The following TMEM74 variants were observed in gnomAD, a reference collection of about 807,000 sequenced individuals.
TMEM74 encodes the protein transmembrane protein 74.
In TMEM74, 13 loss-of-function variants were observed where a neutral mutation model predicts 18.1. The observed-to-expected ratio is 0.72, with a 90% CI of 0.47 to 1.14. TMEM74 has a LOEUF of 1.14. Ranked by LOEUF, TMEM74 falls within the 50% of genes most tolerant of loss-of-function variation. The probability of loss-of-function intolerance (pLI) is 0.00; values close to 1 mark genes in which losing one functional copy is unlikely to be tolerated. For missense variants in TMEM74, 372 were observed against 375.9 expected (o/e 0.99, Z 0.09); for synonymous variants, 159 against 146.6 (o/e 1.08, Z -0.61).
At chr8:108,654,988 A>C (rs931164661) in intron 2 of TMEM74, among the ~76,000 whole-genome samples, 1 of 152,194 alleles carries the variant, frequency 6.6e-6, no homozygotes, top group African/African-American at 2.4e-5. Context: ...ACTAATTACT[A>C]TAGGTTTTCA....
chr8:108,707,656 T>C (rs1014664259), intron 1 of TMEM74, among the ~76,000 whole-genome samples: 37 of 152,086 alleles, frequency 2.4e-4, no homozygotes, highest in African/African-American at 8.7e-4. Context: ...AATAATGAAA[T>C]TGGGGCCTTA....
chr8:108,729,440 A>G (rs1215425515), intron 1 of TMEM74, among the ~76,000 whole-genome samples: 2 of 152,198 alleles, frequency 1.3e-5, no homozygotes, highest in Non-Finnish European at 2.9e-5. Context: ...ATCCAGCATA[A>G]TCTTTTTGGA....
At chr8:108,731,733 T>TA (rs1237600763) in intron 1 of TMEM74, among the ~76,000 whole-genome samples, 2 of 151,920 alleles carry the variant, frequency 1.3e-5, no homozygotes, top group African/African-American at 2.4e-5. Context: ...GTCTGATATT[T>TA]AAAAAAAATG....
chr8:108,750,752 G>A (rs994950308), intron 1 of TMEM74, among the ~76,000 whole-genome samples: 2 of 152,112 alleles, frequency 1.3e-5, no homozygotes, highest in Non-Finnish European at 2.9e-5. Flanking sequence ...AACTCCCAAG[G>A]GTAAGGAGGG....
At chr8:108,772,294 A>AACC (rs1814182121) in intron 1 of TMEM74, among the ~76,000 whole-genome samples, 1 of 152,134 alleles carries the variant, frequency 6.6e-6, no homozygotes, top group Admixed American at 6.6e-5. Flanking sequence ...AACCAAGGTA[A>AACC]GAGGCTGTGT....
intron 1 of TMEM74, among the ~76,000 whole-genome samples, chr8:108,673,526 G>C (rs905587787): frequency 1.3e-5 from 2 of 152,186 alleles, no homozygotes; most frequent in Non-Finnish European, 2.9e-5. Flanking sequence ...CACGATGGCA[G>C]GGAATCTGGC....
At chr8:108,644,219 C>T (rs2935768) in intron 2 of TMEM74, among the ~76,000 whole-genome samples, 28,495 of 152,016 alleles carry the variant, frequency 0.19, 2,728 homozygotes, top group East Asian at 0.27. Context: ...CCTTGTCGAT[C>T]CTTGACAAGG....
At chr8:108,633,598 G>A (rs938095962) in intron 2 of TMEM74, among the ~76,000 whole-genome samples, 1 of 152,014 alleles carries the variant, frequency 6.6e-6, no homozygotes, top group Non-Finnish European at 1.5e-5. Flanking sequence ...CACCATATAA[G>A]CAGTGAGTGC....
intron 1 of TMEM74, among the ~76,000 whole-genome samples, chr8:108,735,906 C>T (rs1026059796): frequency 1.7e-4 from 26 of 152,106 alleles, no homozygotes; most frequent in African/African-American, 5.1e-4. Flanking sequence ...ATACTCTCTT[C>T]TAACTTTATT....
At chr8:108,643,946 A>T (rs767037246) in intron 2 of TMEM74, among the ~76,000 whole-genome samples, 5 of 152,166 alleles carry the variant, frequency 3.3e-5, no homozygotes, top group Non-Finnish European at 7.4e-5. Flanking sequence ...TACAGATTCA[A>T]TGCTATTCCT....
intron 1 of TMEM74, among the ~76,000 whole-genome samples, chr8:108,680,243 T>C (rs1328215523): frequency 2.6e-5 from 4 of 152,180 alleles, no homozygotes; most frequent in Admixed American, 2.0e-4. Flanking sequence ...ATATCCTTGA[T>C]GAACATTGAT....
chr8:108,713,279 T>C (rs1027479), intron 1 of TMEM74, among the ~76,000 whole-genome samples: 76,756 of 151,968 alleles, frequency 0.51, 21,499 homozygotes, highest in East Asian at 0.78. Context: ...ACTGAGATGA[T>C]AGAAAAATTG....
intron 1 of TMEM74, among the ~76,000 whole-genome samples, chr8:108,716,350 ATAAT>A (rs1254618694): frequency 6.6e-6 from 1 of 152,114 alleles, no homozygotes; most frequent in African/African-American, 2.4e-5. Context: ...AAACTATTAA[ATAAT>A]TAACGAATTC....
At chr8:108,647,015 A>C (rs1812727035) in intron 2 of TMEM74, among the ~76,000 whole-genome samples, 1 of 152,092 alleles carries the variant, frequency 6.6e-6, no homozygotes, top group South Asian at 2.1e-4. Flanking sequence ...CATTCCCCAA[A>C]CAAGCTCTGT....
intron 1 of TMEM74, among the ~76,000 whole-genome samples, chr8:108,765,527 C>A (rs1447318128): frequency 6.6e-6 from 1 of 151,026 alleles, no homozygotes; most frequent in African/African-American, 2.4e-5. Flanking sequence ...CTGCCTTAGC[C>A]TCCCAAGTAG....
intron 1 of TMEM74, among the ~76,000 whole-genome samples, chr8:108,713,348 T>G (rs1256830761): frequency 6.7e-6 from 1 of 150,198 alleles, no homozygotes; most frequent in Non-Finnish European, 1.5e-5. Context: ...GAAAAAATTC[T>G]AATGGCCTTA....
rs955163574 is a variant in TMEM74, at chr8:108,783,351, G to C, written c.*830C>G. The stretch of plus-strand genomic sequence containing the variant: ...ATATATTTAAAATGTCTCATGCCTT[G>C]CCTCTTGCTGCTGGTGTGAGAACCA... On this transcript the variant is annotated 3_prime_UTR_variant, in exon 2 of 2. Transcript: ENST00000297459. Among the ~76,000 whole-genome samples, 5 of 152,118 alleles carry C rather than the reference G, an allele frequency of 3.3e-5. No individual in the cohort carries two copies. Among genetic ancestry groups the C allele is most frequent in the African/African-American group, 1.2e-4 (5 of 41,422 alleles).
At chr8:108,702,276 C>T (rs2101937) in intron 1 of TMEM74, among the ~76,000 whole-genome samples, 38,194 of 146,092 alleles carry the variant, frequency 0.26, 5,024 homozygotes, top group South Asian at 0.32. Context: ...ACCTGGGAGG[C>T]GGAGGTTGCA....
At chr8:108,691,340 C>G (rs1813229048) in intron 1 of TMEM74, among the ~76,000 whole-genome samples, 1 of 152,156 alleles carries the variant, frequency 6.6e-6, no homozygotes, top group Non-Finnish European at 1.5e-5. Flanking sequence ...AAGAAAACTG[C>G]CAGTGGGTTT....
Sources: gnomAD v4.1 joint callset for allele counts (sites outside exome capture counted in the v4.1 genomes callset) on GRCh38, gnomAD v4.1.1 for gene constraint, MANE v1.5 for transcripts, NCBI Gene and HGNC (gene_info 2026-07-23, HGNC 2026-07-21) for gene names.